The following SLC25A33 variants were observed in gnomAD, a reference collection of about 807,000 sequenced individuals.
SLC25A33 encodes bone marrow stromal cell mitochondrial carrier protein.
Under a neutral mutation model 35.5 loss-of-function variants are expected in SLC25A33, and 15 were observed. The ratio of observed to expected loss-of-function variants is 0.42; its 90% confidence interval spans 0.28 to 0.65. The LOEUF (loss-of-function observed/expected upper bound fraction) is 0.65. SLC25A33 is among the 30% of genes least tolerant of loss of function. The pLI is 0.20. For synonymous variants in SLC25A33, 136 were observed against 148.7 expected (o/e 0.91, Z 0.62); for missense variants, 257 against 398.5 (o/e 0.64, Z 3.02).
chr1:9,568,679 G>T (rs947114460), intron 3 of SLC25A33, among the ~76,000 whole-genome samples: 1 of 151,186 alleles, frequency 6.6e-6, no homozygotes, highest in Non-Finnish European at 1.5e-5. Flanking sequence ...GTGAAACCCC[G>T]TCTCTACTAA....
intron 2 of SLC25A33, among the ~76,000 whole-genome samples, chr1:9,559,346 A>G (rs1303505522): frequency 1.8e-4 from 28 of 152,202 alleles, no homozygotes. Context: ...GTTGCCTGTC[A>G]CATAGCAAGC....
chr1:9,552,167 T>C (rs540595204), intron 1 of SLC25A33, among the ~76,000 whole-genome samples: 2 of 152,348 alleles, frequency 1.3e-5, no homozygotes, highest in East Asian at 1.9e-4. Flanking sequence ...CAGGATTAAC[T>C]GATTAGTTGT....
intron 2 of SLC25A33, among the ~76,000 whole-genome samples, chr1:9,562,281 G>A (rs1332447399): frequency 6.6e-6 from 1 of 150,718 alleles, no homozygotes; most frequent in East Asian, 1.9e-4. Context: ...CTGGGAGGCG[G>A]AGGCTGCAGT....
At position 9,567,361 on chromosome 1, in the gene SLC25A33, G is replaced by A; in HGVS notation, c.314G>A (p.Arg105Lys). The A allele has an allele frequency of 1.2e-6, 2 of 1,613,438 alleles. No homozygotes were observed. Among genetic ancestry groups the A allele is most frequent in the Non-Finnish European group, 1.7e-6 (2 of 1,179,738 alleles). ...AATTTGGTTGGAGTTGCACCATCAA[G>A]GTAAGCATTAAACTTTCCAGCTAGC... ...GPNLVGVAPS[R>K]AVYFACYSKA... is the part of the protein sequence containing the mutation. Residue 105 changes from arginine to lysine, a missense_variant and splice_region_variant, in exon 3 of 7, where the codon AGG (arginine) becomes AAG (lysine). By Grantham distance (26) the Arg-to-Lys change is conservative. Coordinates refer to ENST00000302692, the MANE Select transcript of SLC25A33 (RefSeq NM_032315.3).
At chr1:9,577,038 C>A in intron 5 of SLC25A33, 3 of 780,558 alleles carry the variant, frequency 3.8e-6, no homozygotes, top group Non-Finnish European at 6.3e-6. Flanking sequence ...TTCCTAAGAC[C>A]TATTGGTGAT....
intron 5 of SLC25A33, 97 bp downstream of exon 5, chr1:9,573,509 T>A (rs1643618729): frequency 2.1e-6 from 2 of 969,854 alleles, no homozygotes; most frequent in Non-Finnish European, 3.2e-6. Context: ...GATATAGAGA[T>A]GTACCCCCCT....
intron 1 of SLC25A33, among the ~76,000 whole-genome samples, chr1:9,550,722 G>A (rs984166560): frequency 6.6e-6 from 1 of 151,870 alleles, no homozygotes; most frequent in Admixed American, 6.6e-5. Context: ...ACCCAGGCTG[G>A]AGGGCAGTGG....
intron 5 of SLC25A33, among the ~76,000 whole-genome samples, chr1:9,573,742 C>T (rs533400480): frequency 6.6e-6 from 1 of 152,216 alleles, no homozygotes; most frequent in South Asian, 2.1e-4. Context: ...GGTTCTCCTC[C>T]GGATGGTCTC....
intron 4 of SLC25A33, among the ~76,000 whole-genome samples, chr1:9,572,064 C>G (rs1393443529): frequency 1.3e-5 from 2 of 152,192 alleles, no homozygotes; most frequent in Non-Finnish European, 2.9e-5. Flanking sequence ...TATGACCAAC[C>G]TGTCTGAATA....
chr1:9,564,590 A>G (rs902257523), intron 2 of SLC25A33, among the ~76,000 whole-genome samples: 2 of 151,922 alleles, frequency 1.3e-5, no homozygotes, highest in South Asian at 2.1e-4. Flanking sequence ...CAGCCTTTAA[A>G]AAAAAGGAAA....
intron 5 of SLC25A33, chr1:9,576,906 C>T: frequency 1.5e-6 from 2 of 1,301,728 alleles, no homozygotes. Flanking sequence ...CAGCAAGCCA[C>T]AACAGTTAAG....
At chr1:9,543,479 CAAG>C (rs1165775174) in intron 1 of SLC25A33, among the ~76,000 whole-genome samples, 1 of 152,146 alleles carries the variant, frequency 6.6e-6, no homozygotes, top group East Asian at 1.9e-4. Context: ...ACCACCTCAT[CAAG>C]AAGAACACAG....
Position 9,583,087 on chromosome 1 carries a change from T to C in SLC25A33, c.*586T>C, listed in dbSNP as rs1261496824. 6.6e-6 allele frequency: 1 copy of C among 152,216 alleles called. No individual in the cohort carries two copies. Among genetic ancestry groups the C allele is most frequent in the Admixed American group, 6.6e-5 (1 of 15,252 alleles). 9.4% of individuals were successfully genotyped at this position (152,216 alleles called of 1,614,324 possible). A position where few individuals can be genotyped will look rare whatever the true frequency, so the allele number is the denominator to read the frequency against. On this transcript the variant is annotated 3_prime_UTR_variant, in exon 7 of 7. Transcript: ENST00000302692. ...TAAAAATACAAAAATTAGCCGGACG[T>C]GTGCCTGTAATCCCAGCTACTTGGG...
chr1:9,552,310 C>T (rs1557526106), intron 1 of SLC25A33, among the ~76,000 whole-genome samples: 1 of 152,054 alleles, frequency 6.6e-6, no homozygotes, highest in Non-Finnish European at 1.5e-5. Flanking sequence ...CTGCCTCCTG[C>T]ATTCAAGCTA....
At position 9,571,332 on chromosome 1, in the gene SLC25A33, C is replaced by T. The variant is rs369050536; in HGVS notation, c.415+974C>T. On this transcript the variant is annotated intron_variant, in intron 4 of 6. Transcript: ENST00000302692. Reference sequence around the variant, plus strand: ...TGTTTTTGAGACAGAGTCACTCTGTCGCCCAGGCTGGAGTGCAATGGCGCA... The same window carrying T: ...TGTTTTTGAGACAGAGTCACTCTGTTGCCCAGGCTGGAGTGCAATGGCGCA... 2.6e-5 allele frequency among the ~76,000 whole-genome samples: 4 copies of T among 152,206 alleles called. No individual in the cohort carries two copies. The Middle Eastern group carries it at 0.01, about 388-fold the overall frequency.
At chr1:9,561,219 A>G (rs543030827) in intron 2 of SLC25A33, among the ~76,000 whole-genome samples, 1 of 152,300 alleles carries the variant, frequency 6.6e-6, no homozygotes, top group East Asian at 1.9e-4. Flanking sequence ...CTGGGATTAC[A>G]GGCGTGAGCC....
At chr1:9,572,830 G>A (rs1643609914) in intron 4 of SLC25A33, among the ~76,000 whole-genome samples, 1 of 151,604 alleles carries the variant, frequency 6.6e-6, no homozygotes, top group East Asian at 1.9e-4. Context: ...CATTGTGGGA[G>A]GCTGAGGCTG....
chr1:9,571,496 T>C (rs1253676231), intron 4 of SLC25A33, among the ~76,000 whole-genome samples: 1 of 151,956 alleles, frequency 6.6e-6, no homozygotes. Flanking sequence ...GGTTTCACCG[T>C]GTTAGCCAGG....
chr1:9,579,948 A>T lies in SLC25A33; in HGVS notation c.483-6A>T, dbSNP rs1472397207. On this transcript the variant is annotated splice_region_variant and splice_polypyrimidine_tract_variant and intron_variant, in intron 5 of 6. Coordinates refer to ENST00000302692, the MANE Select transcript of SLC25A33 (RefSeq NM_032315.3). The stretch of plus-strand genomic sequence containing the variant: ...TTAACAGCCTGTGTTGGTCTCTTTT[A>T]TGCAGAGTGAGGGGCTCTAAGCAGA... 1 of 1,609,504 alleles carries T rather than the reference A, an allele frequency of 6.2e-7. No individual in the cohort carries two copies. The highest frequency in any genetic ancestry group is 8.5e-7 in the Non-Finnish European group (1 of 1,178,208).
Sources: allele counts gnomAD v4.1 joint callset (sites outside exome capture counted in the v4.1 genomes callset), GRCh38; gene constraint gnomAD v4.1.1; transcripts MANE v1.5; gene names NCBI Gene and HGNC (gene_info 2026-07-23, HGNC 2026-07-21).